The following PRKG1 variants were observed in gnomAD, a reference collection of about 807,000 sequenced individuals.
The protein encoded by PRKG1 is cGMP-dependent protein kinase 1.
Under a neutral mutation model 88.1 loss-of-function variants are expected in PRKG1, and 35 were observed. The observed-to-expected ratio is 0.40, with a 90% CI of 0.30 to 0.53. PRKG1 has a LOEUF of 0.53. Among genes scored for constraint, PRKG1 ranks in the 20% least tolerant of loss-of-function variants. PRKG1 has a pLI of 0.59. For synonymous variants in PRKG1, 303 were observed against 292.5 expected, an observed-to-expected ratio of 1.04 and a Z score of -0.37; for missense variants, 540 against 839.8, an observed-to-expected ratio of 0.64 and a Z score of 4.41.
chr10:51,204,035 G>A (rs1322965297), intron 2 of PRKG1, among the ~76,000 whole-genome samples: 1 of 152,090 alleles, frequency 6.6e-6, no homozygotes, highest in African/African-American at 2.4e-5. Context: ...AAAGTTTTTT[G>A]ATATGAAGAA....
At chr10:51,098,631 A>G (rs757901910) in intron 1 of PRKG1, among the ~76,000 whole-genome samples, 8 of 152,210 alleles carry the variant, frequency 5.3e-5, no homozygotes, top group Non-Finnish European at 1.2e-4. Context: ...AACAAAGTAC[A>G]TAACTTTTGA....
intron 10 of PRKG1, among the ~76,000 whole-genome samples, chr10:52,256,707 T>G (rs949100773): frequency 7.2e-6 from 1 of 139,644 alleles, no homozygotes; most frequent in Non-Finnish European, 1.6e-5. Context: ...ATGAAAGTAT[T>G]TTACTCTTTT....
chr10:51,480,262 G>A (rs10508942), intron 3 of PRKG1, among the ~76,000 whole-genome samples: 64,163 of 151,918 alleles, frequency 0.42, 15,389 homozygotes, highest in East Asian at 0.9. Flanking sequence ...GATACATTTC[G>A]TAAACTGACA....
At chr10:52,209,968 C>G (rs1382469070) in intron 9 of PRKG1, among the ~76,000 whole-genome samples, 1 of 152,198 alleles carries the variant, frequency 6.6e-6, no homozygotes, top group Non-Finnish European at 1.5e-5. Context: ...TGTACACATA[C>G]TAGCTGCAAT....
chr10:52,116,193 T>C (rs1374286699), intron 7 of PRKG1, among the ~76,000 whole-genome samples: 1 of 152,142 alleles, frequency 6.6e-6, no homozygotes, highest in Non-Finnish European at 1.5e-5. Context: ...GAATGCAGTT[T>C]GTTTCCATAT....
At chr10:51,672,611 C>T (rs1007545640) in intron 3 of PRKG1, among the ~76,000 whole-genome samples, 8 of 151,918 alleles carry the variant, frequency 5.3e-5, no homozygotes, top group African/African-American at 1.5e-4. Flanking sequence ...TTTCTGACTC[C>T]TTCATGTGGG....
chr10:51,688,974 G>A (rs1193127631), intron 3 of PRKG1, among the ~76,000 whole-genome samples: 1 of 152,104 alleles, frequency 6.6e-6, no homozygotes, highest in Non-Finnish European at 1.5e-5. Context: ...TTTCATGATA[G>A]TGAGTGGGTT....
intron 7 of PRKG1, among the ~76,000 whole-genome samples, chr10:52,079,584 G>T (rs766793592): frequency 6.6e-6 from 1 of 152,130 alleles, no homozygotes; most frequent in Non-Finnish European, 1.5e-5. Flanking sequence ...CACAGCAGTT[G>T]TGTGTATCCT....
intron 5 of PRKG1, among the ~76,000 whole-genome samples, chr10:52,012,134 G>T (rs1435562367): frequency 2.0e-5 from 3 of 151,890 alleles, no homozygotes; most frequent in Non-Finnish European, 4.4e-5. Context: ...CCACATAGTT[G>T]TCTAGTTTAG....
chr10:51,785,354 T>C (rs1381087002), intron 3 of PRKG1, among the ~76,000 whole-genome samples: 1 of 152,034 alleles, frequency 6.6e-6, no homozygotes, highest in African/African-American at 2.4e-5. Flanking sequence ...ACGTTTTTCT[T>C]GTTCTTTGTT....
At chr10:52,175,785 T>C (rs1238867578) in intron 9 of PRKG1, among the ~76,000 whole-genome samples, 1 of 152,186 alleles carries the variant, frequency 6.6e-6, no homozygotes, top group Admixed American at 6.5e-5. Context: ...TGGCCATTTG[T>C]ATGTCTTCTG....
chr10:51,096,934 T>C (rs1844544721), intron 1 of PRKG1, among the ~76,000 whole-genome samples: 1 of 152,138 alleles, frequency 6.6e-6, no homozygotes, highest in African/African-American at 2.4e-5. Flanking sequence ...CACAGGACAG[T>C]TTTCATAACA....
In PRKG1 at chr10:51,300,923, A is replaced by C. The variant is rs1840866762; in HGVS notation, c.478+147593A>C. On this transcript the variant is annotated intron_variant, in intron 2 of 17. Coordinates refer to ENST00000373980, the MANE Select transcript of PRKG1 (RefSeq NM_006258.4). The stretch of plus-strand genomic sequence containing the variant: ...TGTGTCTGCCTTTCTTTTCCTGTAT[A>C]AATCTTGTGAGTGCTAAGCTTCTAA... Among the ~76,000 whole-genome samples the C allele has an allele frequency of 3.3e-5, 5 of 152,308 alleles. No individual in the cohort carries two copies. The South Asian group carries it at 1.0e-3, about 32-fold the overall frequency.
At chr10:51,862,686 G>A (rs1840913765) in intron 4 of PRKG1, among the ~76,000 whole-genome samples, 1 of 152,116 alleles carries the variant, frequency 6.6e-6, no homozygotes, top group South Asian at 2.1e-4. Context: ...AGAACTGGCA[G>A]CTCAGTTTTC....
intron 4 of PRKG1, among the ~76,000 whole-genome samples, chr10:51,899,671 G>GTA (rs57320165): frequency 0.22 from 26,267 of 120,136 alleles, 3,333 homozygotes; most frequent in Non-Finnish European, 0.27. Context: ...AAAGAAAAAT[G>GTA]TATATATATA....
intron 9 of PRKG1, among the ~76,000 whole-genome samples, chr10:52,165,761 T>C (rs766249146): frequency 9.9e-5 from 15 of 152,194 alleles, no homozygotes; most frequent in African/African-American, 3.4e-4. Context: ...ACTGTAAAGA[T>C]TGATTAAGTT....
At chr10:52,068,431 GA>G (rs1206210822) in intron 7 of PRKG1, among the ~76,000 whole-genome samples, 1 of 152,124 alleles carries the variant, frequency 6.6e-6, no homozygotes, top group African/African-American at 2.4e-5. Flanking sequence ...ATATGGCTAA[GA>G]GATCCAGTTC....
At chr10:51,881,621 C>T (rs2132880589) in intron 4 of PRKG1, among the ~76,000 whole-genome samples, 3 of 152,298 alleles carry the variant, frequency 2.0e-5, no homozygotes, top group Middle Eastern at 6.8e-3. Flanking sequence ...TTAGTTAAGG[C>T]AAACCACAAG....
chr10:52,098,892 A>T (rs1162738056), intron 7 of PRKG1, among the ~76,000 whole-genome samples: 1 of 152,190 alleles, frequency 6.6e-6, no homozygotes, highest in Non-Finnish European at 1.5e-5. Flanking sequence ...GACTATAATT[A>T]GTTGGTTCCA....
Sources: allele counts gnomAD v4.1 joint callset (sites outside exome capture counted in the v4.1 genomes callset), GRCh38; gene constraint gnomAD v4.1.1; transcripts MANE v1.5; gene names NCBI Gene and HGNC (gene_info 2026-07-23, HGNC 2026-07-21).